The following KCNQ2 variants were observed in gnomAD, a reference collection of about 807,000 sequenced individuals.
KCNQ2 encodes potassium voltage-gated channel subfamily Q member 2.
A neutral mutation model predicts 84.8 loss-of-function variants in KCNQ2; 14 were observed. That is an observed-to-expected ratio of 0.17 (90% CI 0.11 to 0.26). The LOEUF is 0.26. Ranked by LOEUF, KCNQ2 falls within the 10% of genes least tolerant of loss-of-function variation. The pLI is 1.00. For synonymous variants in KCNQ2, 599 were observed against 554.1 expected, an observed-to-expected ratio of 1.08 and a Z score of -1.14; for missense variants, 788 against 1,254.0, an observed-to-expected ratio of 0.63 and a Z score of 5.61.
rs945847030 is a variant in KCNQ2 at position 63,421,670 on chromosome 20, AGGGGGAGCCCGAACAGGCAC to A, written c.1248-2018_1248-1999del. Among the ~76,000 whole-genome samples, 53 of 152,118 alleles carry A rather than the reference AGGGGGAGCCCGAACAGGCAC, an allele frequency of 3.5e-4. 2 individuals are homozygous for A. In the South Asian group the frequency reaches 6.6e-3, roughly 19 times the overall value. ...GCGGACACGTGTGCTTGAGAAGAGGAGGGGGAGCCCGAACAGGCACGGGGGAGCCCGCACAGGCATGAGGG... is the reference window on the plus strand; with the variant it reads ...GCGGACACGTGTGCTTGAGAAGAGGAGGGGGAGCCCGCACAGGCATGAGGG... On this transcript the variant is annotated intron_variant, in intron 11 of 16. Coordinates refer to ENST00000359125, the MANE Select transcript of KCNQ2 (RefSeq NM_172107.4).
chr20:63,419,115 C>T (rs887414463), intron 12 of KCNQ2, among the ~76,000 whole-genome samples: 3 of 151,754 alleles, frequency 2.0e-5, no homozygotes, highest in African/African-American at 7.3e-5. Flanking sequence ...TTCCACCTGC[C>T]CTAAACCAGG....
Position 63,402,254 on chromosome 20 carries a change from G to C in KCNQ2, c.*4390C>G, listed in dbSNP as rs1013744276. 1 of 186,778 alleles carries C rather than the reference G, an allele frequency of 5.4e-6. No individual in the cohort carries two copies. Among genetic ancestry groups the C allele is most frequent in the Non-Finnish European group, 1.1e-5 (1 of 88,978 alleles). The allele number at this position is 186,778 out of a possible 1,614,324, so 11.6% of individuals were successfully genotyped here. On this transcript the variant is annotated 3_prime_UTR_variant, in exon 17 of 17. Transcript: ENST00000359125. ...GCCACGTCTGCCGGGCACCCTCCAC[G>C]GCAGGTCCGAGCTTTGTGAACCGTC...
chr20:63,439,542 C>T (rs2081095559), intron 6 of KCNQ2, 56 bp downstream of exon 6: 4 of 1,341,650 alleles, frequency 3.0e-6, no homozygotes, highest in Non-Finnish European at 4.3e-6. Flanking sequence ...GTGGTCACCT[C>T]GGGAGCCTAC....
chr20:63,442,668 C>T (rs866511744), intron 4 of KCNQ2, 137 bp from the exon 5 acceptor site: 121 of 482,350 alleles, frequency 2.5e-4, no homozygotes, highest in Admixed American at 3.4e-4. Context: ...ACCATCACCA[C>T]CACCACCACC....
chr20:63,472,191 C>G lies in KCNQ2; in HGVS notation c.273G>C (p.Trp91Cys). The change falls in exon 1 of 17, where the codon TGG becomes TGC. Residue 91 changes from tryptophan (W) to cysteine (C), a missense_variant. Trp to Cys is a radical substitution (Grantham distance 215, BLOSUM62 -2). This residue lies in a region of KCNQ2 where 106 missense variants were observed against 214.8 expected (regional missense o/e 0.49). Coordinates refer to ENST00000359125, the MANE Select transcript of KCNQ2 (RefSeq NM_172107.4). ...LYNVLERPRG[W>C]AFIYHAYVFL... ...ACACGTAGGCGTGGTAGATGAACGC[C>G]CAGCCGCGCGGCCGCTCCAGCACGT... 1 of 1,534,944 alleles carries G rather than the reference C, an allele frequency of 6.5e-7. No individual in the cohort carries two copies. The highest frequency in any genetic ancestry group is 8.8e-7 in the Non-Finnish European group (1 of 1,141,956).
At chr20:63,409,204 C>T (rs1428902822) in intron 15 of KCNQ2, among the ~76,000 whole-genome samples, 1 of 152,230 alleles carries the variant, frequency 6.6e-6, no homozygotes, top group Non-Finnish European at 1.5e-5. Flanking sequence ...TCTGTGTGTG[C>T]ACGTGTGTGT....
At chr20:63,422,807 G>C (rs1462166767) in intron 11 of KCNQ2, 4 of 152,346 alleles carry the variant, frequency 2.6e-5, no homozygotes, top group Middle Eastern at 3.1e-3. Context: ...GGCCGGGCTG[G>C]GGCAGCGAGC....
chr20:63,437,756 T>C (rs1183576710), intron 7 of KCNQ2, among the ~76,000 whole-genome samples: 7 of 152,198 alleles, frequency 4.6e-5, no homozygotes, highest in African/African-American at 1.7e-4. Flanking sequence ...ATGGAAGACT[T>C]TGGGGAGGAG....
At position 63,411,416 on chromosome 20, in the gene KCNQ2, G is replaced by A. The variant is rs185458958; in HGVS notation, c.1763+2034C>T. The stretch of plus-strand genomic sequence containing the variant: ...CAGGAGGGGCCTGTCCAGGGGGCAC[G>A]GGCAGGGCCAGAGGGATGTCTGTGC... On this transcript the variant is annotated intron_variant, in intron 15 of 16. Transcript: ENST00000359125. Among the ~76,000 whole-genome samples the A allele has an allele frequency of 4.1e-4, 63 of 152,330 alleles. 1 individual carries two copies. The highest frequency in any genetic ancestry group is 2.3e-3 in the Admixed American group (35 of 15,312).
At chr20:63,418,275 T>A (rs1037844703) in intron 12 of KCNQ2, among the ~76,000 whole-genome samples, 2 of 152,224 alleles carry the variant, frequency 1.3e-5, no homozygotes, top group African/African-American at 4.8e-5. Context: ...GGGGCGTCCG[T>A]GGCACCTACG....
chr20:63,443,950 G>A (rs2081340235), intron 4 of KCNQ2, among the ~76,000 whole-genome samples: 1 of 152,194 alleles, frequency 6.6e-6, no homozygotes, highest in Admixed American at 6.5e-5. Flanking sequence ...CAACCTCCCT[G>A]AGCCTCCGGG....
At chr20:63,437,603 T>C (rs1016616205) in intron 7 of KCNQ2, among the ~76,000 whole-genome samples, 7 of 152,212 alleles carry the variant, frequency 4.6e-5, no homozygotes, top group Non-Finnish European at 8.8e-5. Context: ...CTCCTTCTTA[T>C]AAGGATGCAT....
intron 9 of KCNQ2, among the ~76,000 whole-genome samples, chr20:63,431,074 G>A (rs1448983377): frequency 6.6e-6 from 1 of 152,202 alleles, no homozygotes; most frequent in African/African-American, 2.4e-5. Context: ...GCAGCGGCTG[G>A]GGGGAGGCAG....
At chr20:63,442,737 C>CACCATCACCACCACCACCACCACCAT (rs2081220771) in intron 4 of KCNQ2, among the ~76,000 whole-genome samples, 1 of 24,166 alleles carries the variant, frequency 4.1e-5, no homozygotes, top group Non-Finnish European at 7.9e-5. Flanking sequence ...ATCACCACCT[C>CACCATCACCACCACCACCACCACCAT]CACCATCACC....
intron 12 of KCNQ2, among the ~76,000 whole-genome samples, chr20:63,417,030 C>T (rs1337883184): frequency 2.0e-5 from 3 of 152,342 alleles, no homozygotes; most frequent in Admixed American, 6.5e-5. Context: ...CGAGGCGTCG[C>T]GTGCTTGGGG....
At position 63,414,288 on chromosome 20, in the gene KCNQ2, G is replaced by T; in HGVS notation, c.1526-95C>A. On this transcript the variant is annotated intron_variant, in intron 13 of 16. Coordinates refer to ENST00000359125, the MANE Select transcript of KCNQ2 (RefSeq NM_172107.4). The surrounding 1 kb of genome is among the most constrained non-coding windows in gnomAD (Gnocchi z 6.6). ...CACACCGGCTAGACAGAGCGCCAGG[G>T]AGCCCCTCGAGGCTCCCTGTGGTGC... 1.1e-6 allele frequency: 1 copy of T among 896,608 alleles called. No individual in the cohort carries two copies. Among genetic ancestry groups the T allele is most frequent in the Non-Finnish European group, 1.8e-6 (1 of 548,658 alleles). The allele number at this position is 896,608 out of a possible 1,614,324, so 55.5% of individuals were successfully genotyped here. A position where few individuals can be genotyped will look rare whatever the true frequency, so the allele number is the denominator to read the frequency against.
rs777218349 is a variant in KCNQ2 at position 63,444,881 on chromosome 20, AC to A, written c.515-48del. 7.8e-6 allele frequency: 12 copies of A among 1,530,036 alleles called. No homozygotes were observed. In the African/African-American group the frequency reaches 1.4e-4, roughly 17 times the overall value. 94.8% of individuals were successfully genotyped at this position (1,530,036 alleles called of 1,614,324 possible). On this transcript the variant is annotated intron_variant, in intron 3 of 16. Transcript: ENST00000359125. ...GGTGAGCTGCTGGGCCGCTCCCCGC[AC>A]CCCCTTGGAGAAAACTCCCCACCCC...
At chr20:63,412,399 C>G (rs1286591736) in intron 15 of KCNQ2, 1 of 166,292 alleles carries the variant, frequency 6.0e-6, no homozygotes. Flanking sequence ...GCGTTCCGCA[C>G]ACACACGCAC....
At position 63,472,598 on chromosome 20, in the gene KCNQ2, G is replaced by C; in HGVS notation, c.-135C>G. The C allele has an allele frequency of 4.4e-6, 3 of 686,576 alleles. No individual in the cohort carries two copies. The highest frequency in any genetic ancestry group is 5.7e-6 in the Non-Finnish European group (3 of 529,012). 42.5% of individuals were successfully genotyped at this position (686,576 alleles called of 1,614,324 possible). On this transcript the variant is annotated 5_prime_UTR_variant, in exon 1 of 17. Transcript: ENST00000359125. ...GGCGGCGGTTCCGCACTCCTGCCGGGCTTGGGCCGCGCGCGGAGACGCTGC... is the reference window on the plus strand; with the variant it reads ...GGCGGCGGTTCCGCACTCCTGCCGGCCTTGGGCCGCGCGCGGAGACGCTGC...
Sources: gnomAD v4.1 joint callset for allele counts (sites outside exome capture counted in the v4.1 genomes callset) on GRCh38, gnomAD v4.1.1 for gene constraint, gnomAD v4.1.1 regional missense constraint, Gnocchi (gnomAD v3.1) non-coding constraint, MANE v1.5 for transcripts, NCBI Gene and HGNC (gene_info 2026-07-23, HGNC 2026-07-21) for gene names.